BORCS8: variants seen among roughly 807,000 people sequenced by gnomAD.
BORCS8 encodes the protein BLOC-1 related complex subunit 8.
BORCS8 carries 13 observed loss-of-function variants against 18.7 expected under a neutral mutation model. The ratio of observed to expected loss-of-function variants is 0.70; its 90% CI spans 0.45 to 1.11. BORCS8 has a LOEUF of 1.11. BORCS8 is among the 50% of genes least tolerant of loss of function. The pLI is 0.00. For missense variants in BORCS8, 165 were observed against 165.7 expected, an observed-to-expected ratio of 1.00 and a Z score of 0.02; for synonymous variants, 68 against 64.8, an observed-to-expected ratio of 1.05 and a Z score of -0.24.
At chr19:19,189,036 T>C (rs754812543) in intron 1 of BORCS8, among the ~76,000 whole-genome samples, 14 of 152,100 alleles carry the variant, frequency 9.2e-5, no homozygotes, top group Admixed American at 3.3e-4. Flanking sequence ...GGTTTTACCA[T>C]GTTGGCCAGG....
intron 4 of BORCS8, among the ~76,000 whole-genome samples, chr19:19,181,353 G>C (rs2060347951): frequency 6.6e-6 from 1 of 151,728 alleles, no homozygotes; most frequent in African/African-American, 2.4e-5. Context: ...AAATATATAT[G>C]TATGTTTTTA....
At chr19:19,187,036 G>A (rs2060416217) in intron 1 of BORCS8, 31 bp from the exon 2 acceptor site, 7 of 1,505,330 alleles carry the variant, frequency 4.7e-6, no homozygotes, top group Non-Finnish European at 6.3e-6. Context: ...TGGGGCGGGT[G>A]TGGGGAGACA....
intron 5 of BORCS8, chr19:19,180,308 C>G (rs2060335843): frequency 4.2e-6 from 1 of 238,294 alleles, no homozygotes; most frequent in South Asian, 5.7e-5. Flanking sequence ...GGTAATTGCC[C>G]ATGCCGGGCT....
Position 19,182,485 on chromosome 19 carries a change from T to G in BORCS8, c.326+88A>C. ...CAAAAGGAAAGAGACAGTTTTCTAA[T>G]AAGCGAGAAGCAGCGGTTCCCAGCG... On this transcript the variant is annotated intron_variant, in intron 4 of 5. Coordinates refer to ENST00000462790, the MANE Select transcript of BORCS8 (RefSeq NM_001145784.2). The surrounding 1 kb of genome is among the most constrained non-coding windows in gnomAD (Gnocchi z 4.1). 6.7e-7 allele frequency: 1 copy of G among 1,483,688 alleles called. No homozygotes were observed. Among genetic ancestry groups the G allele is most frequent in the African/African-American group, 1.4e-5 (1 of 71,134 alleles). The allele number at this position is 1,483,688 out of a possible 1,614,324, so 91.9% of individuals were successfully genotyped here.
intron 3 of BORCS8, 73 bp downstream of exon 3, chr19:19,185,961 G>A: frequency 4.8e-6 from 7 of 1,459,832 alleles, no homozygotes; most frequent in South Asian, 2.4e-5. Context: ...GCAGTTGGCT[G>A]GGATGCCCCT....
rs1279300740 is a variant in BORCS8 at position 19,177,685 on chromosome 19, GAAGGAAGGAAGAGA to G, written c.*43-239_*43-226del. 1.4e-3 allele frequency: 80 copies of G among 55,782 alleles called. 1 individual carries two copies. The Middle Eastern group carries it at 0.018, about 13-fold the overall frequency. 3.5% of individuals were successfully genotyped at this position (55,782 alleles called of 1,614,324 possible). ...GGAAGGAAGGAAGGAAGGAAGGAAG[GAAGGAAGGAAGAGA>G]AAAGAAAAGAAAAGAAAAGAAAAGA... On this transcript the variant is annotated intron_variant, in intron 5 of 5. Coordinates refer to ENST00000462790, the MANE Select transcript of BORCS8 (RefSeq NM_001145784.2).
Position 19,182,627 on chromosome 19 carries a change from A to G in BORCS8, c.272T>C (p.Leu91Pro). ...SVYFRSVEGL[L>P]KQAISIRDHM... ...GTCCCGGATGCTGATGGCCTGTTTG[A>G]GCAGACCCTCCACGCTGCGGAAGTA... The change falls in exon 4 of 6, where the codon CTC becomes CCC. Residue 91 changes from leucine to proline, a missense_variant. Physicochemically the swap from Leu to Pro is moderately conservative, Grantham distance 98. Transcript: ENST00000462790. This position sits in a 1 kb window ranked among gnomAD's most constrained non-coding sequence, Gnocchi z 4.1. 1 of 1,551,246 alleles carries G rather than the reference A, an allele frequency of 6.4e-7. No individual in the cohort carries two copies. The highest frequency in any genetic ancestry group is 8.7e-7 in the Non-Finnish European group (1 of 1,146,906).
chr19:19,179,632 C>T (rs10854011), intron 5 of BORCS8: 23,892 of 152,582 alleles, frequency 0.16, 2,068 homozygotes, highest in East Asian at 0.37. Flanking sequence ...GGCAGGGGCT[C>T]GGTAAGTCCC....
intron 1 of BORCS8, among the ~76,000 whole-genome samples, chr19:19,190,934 C>A (rs1289977510): frequency 6.6e-6 from 1 of 152,084 alleles, no homozygotes; most frequent in Non-Finnish European, 1.5e-5. Flanking sequence ...AAAAATTCCA[C>A]AAAGTTTCAA....
At chr19:19,192,010 G>C in intron 1 of BORCS8, 71 bp downstream of exon 1, 1 of 1,534,992 alleles carries the variant, frequency 6.5e-7, no homozygotes, top group Non-Finnish European at 8.8e-7. Context: ...GTCCCTCCGC[G>C]CCCGGCCTTT....
chr19:19,182,736 C>A lies in BORCS8; in HGVS notation c.216-53G>T. ...CGCTCCGGACCTGCAGGTAACTGTC[C>A]CACACCCCAGCACTTGAGGTCACCA... On this transcript the variant is annotated intron_variant, in intron 3 of 5. Transcript: ENST00000462790. This position sits in a 1 kb window ranked among gnomAD's most constrained non-coding sequence, Gnocchi z 4.1. 6.6e-7 allele frequency: 1 copy of A among 1,511,266 alleles called. No individual in the cohort carries two copies. The allele number at this position is 1,511,266 out of a possible 1,614,324, so 93.6% of individuals were successfully genotyped here.
At chr19:19,192,056 T>C in intron 1 of BORCS8, 25 bp downstream of exon 1, 1 of 1,551,322 alleles carries the variant, frequency 6.4e-7, no homozygotes, top group Non-Finnish European at 8.7e-7. Context: ...CGGCCCCCTC[T>C]GTCCCGCCCG....
rs138472005 is a variant in BORCS8, at chr19:19,189,462, C to T, written c.38-2457G>A. 3.3e-3 allele frequency among the ~76,000 whole-genome samples: 500 copies of T among 152,296 alleles called. 2 individuals are homozygous for T. The highest frequency in any genetic ancestry group is 0.011 in the African/African-American group (471 of 41,554). ...TTGCTTTAAACTCTTCCATAGCTCC[C>T]ACCTGCCAGAGAATAAAATCCGCCT... On this transcript the variant is annotated intron_variant, in intron 1 of 5. Coordinates refer to ENST00000462790, the MANE Select transcript of BORCS8 (RefSeq NM_001145784.2).
chr19:19,186,539 T>TA (rs1445512089), intron 2 of BORCS8, among the ~76,000 whole-genome samples: 1 of 151,608 alleles, frequency 6.6e-6, no homozygotes, highest in East Asian at 1.9e-4. Context: ...CTTGTGGTTT[T>TA]AATAAGGGGC....
Position 19,181,779 on chromosome 19 carries a change from TTC to T in BORCS8, c.326+792_326+793del, listed in dbSNP as rs1419894453. On this transcript the variant is annotated intron_variant, in intron 4 of 5. Transcript: ENST00000462790. ...GTCTTAGTTAAGCAACACAGATGCT[TTC>T]TTTCTTTTGCCCAGTGGGGGACAGG... 7.2e-6 allele frequency: 6 copies of T among 833,276 alleles called. No individual in the cohort carries two copies. In the East Asian group the frequency reaches 7.5e-4, roughly 104 times the overall value. The allele number at this position is 833,276 out of a possible 1,614,324, so 51.6% of individuals were successfully genotyped here.
Position 19,180,704 on chromosome 19 carries a change from G to T in BORCS8, c.*24C>A, listed in dbSNP as rs2060339745. 6.5e-7 allele frequency: 1 copy of T among 1,549,092 alleles called. No homozygotes were observed. The highest frequency in any genetic ancestry group is 1.4e-5 in the African/African-American group (1 of 73,114). ...CACTGACCTGGGTTGGCGGAGGCTGGGGGGCCCCGAGTCTCTTCCAGGATC... is the reference window on the plus strand; with the variant it reads ...CACTGACCTGGGTTGGCGGAGGCTGTGGGGCCCCGAGTCTCTTCCAGGATC... On this transcript the variant is annotated 3_prime_UTR_variant, in exon 5 of 6. Coordinates refer to ENST00000462790, the MANE Select transcript of BORCS8 (RefSeq NM_001145784.2).
At chr19:19,181,870 C>T (rs1359584643) in intron 4 of BORCS8, 1 of 985,456 alleles carries the variant, frequency 1.0e-6, no homozygotes, top group East Asian at 1.1e-4. Context: ...GCTCCTGGCA[C>T]ATGAGTGTGT....
chr19:19,180,592 T>C (rs1599751327), intron 5 of BORCS8, 94 bp downstream of exon 5: 1 of 852,674 alleles, frequency 1.2e-6, no homozygotes, highest in Non-Finnish European at 1.9e-6. Flanking sequence ...AAACCCCAAG[T>C]GGTTAGACAA....
In BORCS8 at chr19:19,182,698, C is replaced by T. The variant is rs45560433; in HGVS notation, c.216-15G>A. On this transcript the variant is annotated splice_polypyrimidine_tract_variant and intron_variant, in intron 3 of 5. Coordinates refer to ENST00000462790, the MANE Select transcript of BORCS8 (RefSeq NM_001145784.2). The surrounding 1 kb of genome is among the most constrained non-coding windows in gnomAD (Gnocchi z 4.1). Reference sequence around the variant, plus strand: ...TCTTCACGGCGCTGAAACGGGAGGACAGGCCTGGTCAGCGCTCCGGACCTG... The same window carrying T: ...TCTTCACGGCGCTGAAACGGGAGGATAGGCCTGGTCAGCGCTCCGGACCTG... 3.9e-6 allele frequency: 6 copies of T among 1,547,284 alleles called. No individual in the cohort carries two copies. The highest frequency in any genetic ancestry group is 4.9e-5 in the East Asian group (2 of 40,876).
Sources: allele counts gnomAD v4.1 joint callset (sites outside exome capture counted in the v4.1 genomes callset), GRCh38; gene constraint gnomAD v4.1.1; non-coding constraint Gnocchi (gnomAD v3.1); transcripts MANE v1.5; gene names NCBI Gene and HGNC (gene_info 2026-07-23, HGNC 2026-07-21).